The following DCDC1 variants were observed in gnomAD, a reference collection of about 807,000 sequenced individuals.
DCDC1 encodes the protein doublecortin domain-containing protein 1.
DCDC1 carries 200 observed loss-of-function variants against 178.3 expected under a neutral mutation model. The observed-to-expected ratio is 1.12, with a 90% CI of 1.00 to 1.26. The LOEUF is 1.26. Among genes scored for constraint, DCDC1 ranks in the 50% most tolerant of loss-of-function variants. The pLI is 0.00. For missense variants in DCDC1, 1,983 were observed against 1,749.2 expected, an observed-to-expected ratio of 1.13 and a Z score of -2.38; for synonymous variants, 690 against 604.8, an observed-to-expected ratio of 1.14 and a Z score of -2.07.
chr11:31,100,570 A>G lies in DCDC1; in HGVS notation c.1983+1607T>C, dbSNP rs139731251. The stretch of plus-strand genomic sequence containing the variant: ...AAGCCTTAAGAAGCAAGTAATGGTA[A>G]TGGCTGGGGGTATATCCCAGGCAAA... On this transcript the variant is annotated intron_variant, in intron 15 of 38. Coordinates refer to ENST00000684477, the MANE Select transcript of DCDC1 (RefSeq NM_001387274.1). 2.0e-3 allele frequency among the ~76,000 whole-genome samples: 303 copies of G among 152,318 alleles called. 1 individual carries two copies. Among genetic ancestry groups the G allele is most frequent in the African/African-American group, 7.0e-3 (291 of 41,574 alleles).
At chr11:31,119,052 A>G (rs1960403497) in intron 11 of DCDC1, among the ~76,000 whole-genome samples, 1 of 152,156 alleles carries the variant, frequency 6.6e-6, no homozygotes, top group Admixed American at 6.6e-5. Flanking sequence ...GGCAATGAGG[A>G]CAGGAGGAAG....
At chr11:31,311,423 T>C (rs1316913890) in intron 3 of DCDC1, among the ~76,000 whole-genome samples, 1 of 152,234 alleles carries the variant, frequency 6.6e-6, no homozygotes, top group African/African-American at 2.4e-5. Context: ...ACACTATATA[T>C]TGATTGATTT....
intron 9 of DCDC1, among the ~76,000 whole-genome samples, chr11:31,163,077 C>A (rs759025478): frequency 6.6e-6 from 1 of 152,144 alleles, no homozygotes; most frequent in Non-Finnish European, 1.5e-5. Context: ...TCCCCAAATT[C>A]CCAAACTTCA....
chr11:30,911,509 C>T, intron 27 of DCDC1, 89 bp from the exon 28 acceptor site: 1 of 908,740 alleles, frequency 1.1e-6, no homozygotes, highest in Non-Finnish European at 1.8e-6. Context: ...TGCCTCTCAG[C>T]TCCATGCATG....
intron 9 of DCDC1, among the ~76,000 whole-genome samples, chr11:31,148,223 A>AC (rs1271204697): frequency 6.8e-6 from 1 of 147,898 alleles, no homozygotes; most frequent in Non-Finnish European, 1.5e-5. Context: ...AAAAAAAAAA[A>AC]AAAAAAAAAA....
At chr11:31,029,371 C>T (rs1036236310) in intron 20 of DCDC1, among the ~76,000 whole-genome samples, 4 of 152,122 alleles carry the variant, frequency 2.6e-5, no homozygotes, top group South Asian at 2.1e-4. Context: ...GACTTTTCTG[C>T]TTAAAATGTT....
At chr11:30,924,519 G>A (rs151173614) in intron 23 of DCDC1, among the ~76,000 whole-genome samples, 1 of 152,134 alleles carries the variant, frequency 6.6e-6, no homozygotes, top group African/African-American at 2.4e-5. Context: ...GGGAAGGCTG[G>A]GCTGCTAAAG....
rs147019441 is a variant in DCDC1 at position 30,905,884 on chromosome 11, A to T, written c.4104+656T>A. 3.8e-3 allele frequency among the ~76,000 whole-genome samples: 573 copies of T among 152,282 alleles called. 1 individual carries two copies. Among genetic ancestry groups the T allele is most frequent in the African/African-American group, 0.013 (551 of 41,560 alleles). On this transcript the variant is annotated intron_variant, in intron 30 of 38. Coordinates refer to ENST00000684477, the MANE Select transcript of DCDC1 (RefSeq NM_001387274.1). ...GGGAAGGGAGGAGGGTGATCTGGGG[A>T]TGAGGTGAGCAAGCCCTGAAGAGCA...
chr11:31,220,063 A>G (rs1974068394), intron 9 of DCDC1, among the ~76,000 whole-genome samples: 1 of 152,202 alleles, frequency 6.6e-6, no homozygotes, highest in South Asian at 2.1e-4. Context: ...TTTCATGTGA[A>G]CAGAAAAAGA....
chr11:31,251,777 G>T (rs1255169796), intron 8 of DCDC1, among the ~76,000 whole-genome samples: 1 of 152,144 alleles, frequency 6.6e-6, no homozygotes, highest in Non-Finnish European at 1.5e-5. Flanking sequence ...AACATAAGTA[G>T]GCAATAGCCT....
At position 31,269,656 on chromosome 11, in the gene DCDC1, GAT is replaced by G. The variant is rs577900864; in HGVS notation, c.961-4058_961-4057del. On this transcript the variant is annotated intron_variant, in intron 7 of 38. Transcript: ENST00000684477. ...CTGCCTCAGCCTCCCTAAGTGCTGG[GAT>G]TACAGACATGAACCACTGCACCTGG... Among the ~76,000 whole-genome samples the G allele has an allele frequency of 3.9e-5, 6 of 152,174 alleles. No individual in the cohort carries two copies. The East Asian group carries it at 1.2e-3, about 29-fold the overall frequency.
At chr11:31,091,253 A>T in intron 17 of DCDC1, 140 bp downstream of exon 17, 1 of 553,780 alleles carries the variant, frequency 1.8e-6, no homozygotes, top group Non-Finnish European at 3.2e-6. Context: ...TTGGATTCAG[A>T]AATTAATATT....
chr11:31,217,109 G>C (rs1973681081), intron 9 of DCDC1, among the ~76,000 whole-genome samples: 1 of 151,970 alleles, frequency 6.6e-6, no homozygotes. Flanking sequence ...CCTACAACAG[G>C]GAGAGGGAGA....
At chr11:31,053,183 T>C (rs777514105) in intron 20 of DCDC1, among the ~76,000 whole-genome samples, 5 of 151,924 alleles carry the variant, frequency 3.3e-5, no homozygotes, top group South Asian at 4.1e-4. Flanking sequence ...TACAAGATTG[T>C]CCAAGGCTAC....
At chr11:31,035,241 A>T (rs550496204) in intron 20 of DCDC1, among the ~76,000 whole-genome samples, 1 of 152,322 alleles carries the variant, frequency 6.6e-6, no homozygotes, top group South Asian at 2.1e-4. Flanking sequence ...CATGATTATC[A>T]ATACTAAGAA....
rs551810437 is a variant in DCDC1, at chr11:31,211,548, A to C, written c.1221+29902T>G. On this transcript the variant is annotated intron_variant, in intron 9 of 38. Coordinates refer to ENST00000684477, the MANE Select transcript of DCDC1 (RefSeq NM_001387274.1). ...AACATGCTTCCTGAATCGAGATTAC[A>C]TGAGTTAATTACTTACAGACATGCC... Among the ~76,000 whole-genome samples, 26 of 152,318 alleles carry C rather than the reference A, an allele frequency of 1.7e-4. No individual in the cohort carries two copies. The South Asian group carries it at 5.4e-3, about 32-fold the overall frequency.
intron 20 of DCDC1, among the ~76,000 whole-genome samples, chr11:31,036,148 C>G (rs1452272373): frequency 6.6e-6 from 1 of 152,144 alleles, no homozygotes; most frequent in Non-Finnish European, 1.5e-5. Context: ...ATCTGACAAA[C>G]TACATATTCC....
intron 18 of DCDC1, 120 bp from the exon 19 acceptor site, chr11:31,065,273 C>A: frequency 2.1e-6 from 1 of 482,030 alleles, no homozygotes; most frequent in Non-Finnish European, 3.7e-6. Context: ...GGCTAATAAA[C>A]TTTGTACTTT....
chr11:31,348,973 A>C (rs1425612898), intron 1 of DCDC1, among the ~76,000 whole-genome samples: 1 of 152,218 alleles, frequency 6.6e-6, no homozygotes, highest in Non-Finnish European at 1.5e-5. Flanking sequence ...TGCAATAGTT[A>C]TATCCCTGAG....
Sources: allele counts gnomAD v4.1 joint callset (sites outside exome capture counted in the v4.1 genomes callset), GRCh38; gene constraint gnomAD v4.1.1; transcripts MANE v1.5; gene names NCBI Gene and HGNC (gene_info 2026-07-23, HGNC 2026-07-21).